The following THEMIS variants were observed in gnomAD, a reference collection of about 807,000 sequenced individuals.
THEMIS encodes the protein thymocyte selection associated, also known as protein THEMIS.
A neutral mutation model predicts 52.6 loss-of-function variants in THEMIS; 37 were observed. The observed-to-expected ratio is 0.70, with a 90% CI of 0.54 to 0.93. The LOEUF (loss-of-function observed/expected upper bound fraction) is 0.93, where lower values mean the gene tolerates loss of function less well. Ranked by LOEUF, THEMIS falls within the 40% of genes least tolerant of loss-of-function variation. The pLI is 0.00. For synonymous variants in THEMIS, 292 were observed against 272.7 expected (o/e 1.07, Z -0.70); for missense variants, 808 against 763.1 (o/e 1.06, Z -0.69).
intron 1 of THEMIS, among the ~76,000 whole-genome samples, chr6:127,890,329 T>C (rs1419188262): frequency 6.6e-6 from 1 of 152,164 alleles, no homozygotes; most frequent in East Asian, 1.9e-4. Flanking sequence ...CTGCTAAAAA[T>C]AGATTGATAG....
intron 1 of THEMIS, among the ~76,000 whole-genome samples, chr6:127,907,988 A>T (rs184654055): frequency 1.8e-4 from 28 of 152,210 alleles, no homozygotes; most frequent in African/African-American, 6.3e-4. Flanking sequence ...ATAAAATCCT[A>T]CTATACACAA....
intron 4 of THEMIS, among the ~76,000 whole-genome samples, chr6:127,794,907 G>T (rs555180657): frequency 2.1e-4 from 32 of 152,204 alleles, no homozygotes; most frequent in African/African-American, 7.7e-4. Flanking sequence ...GACCATTTAC[G>T]GAGGTGTTTT....
At chr6:127,773,384 A>G (rs1252239530) in intron 4 of THEMIS, among the ~76,000 whole-genome samples, 1 of 152,172 alleles carries the variant, frequency 6.6e-6, no homozygotes, top group Non-Finnish European at 1.5e-5. Context: ...ATTTTTAGAG[A>G]GTATTTGAAC....
At chr6:127,729,022 C>T (rs1238789914) in intron 4 of THEMIS, among the ~76,000 whole-genome samples, 3 of 152,090 alleles carry the variant, frequency 2.0e-5, no homozygotes, top group African/African-American at 4.8e-5. Context: ...TTGGCTTCTT[C>T]CTTGCCTCAC....
At chr6:127,745,887 A>G (rs1016802998) in intron 4 of THEMIS, among the ~76,000 whole-genome samples, 1 of 151,854 alleles carries the variant, frequency 6.6e-6, no homozygotes, top group African/African-American at 2.4e-5. Context: ...TCTTGCTTTG[A>G]AGAATTTAAC....
chr6:127,769,342 G>GTTTTTTTTTTTTTTTTTTTTTTTTTT (rs201005568), intron 4 of THEMIS, among the ~76,000 whole-genome samples: 1 of 142,786 alleles, frequency 7.0e-6, no homozygotes, highest in African/African-American at 2.6e-5. Flanking sequence ...AAATAGACCA[G>GTTTTTTTTTTTTTTTTTTTTTTTTTT]TTTTTTTTTG....
At chr6:127,864,094 T>C (rs1460767930) in intron 1 of THEMIS, among the ~76,000 whole-genome samples, 17 of 152,128 alleles carry the variant, frequency 1.1e-4, no homozygotes, top group Non-Finnish European at 1.0e-4. Flanking sequence ...CTTGACAAGA[T>C]AGGCTTTATT....
intron 4 of THEMIS, among the ~76,000 whole-genome samples, chr6:127,806,348 C>T (rs1314034384): frequency 6.6e-6 from 1 of 151,842 alleles, no homozygotes; most frequent in Non-Finnish European, 1.5e-5. Flanking sequence ...TCAGTAACAC[C>T]GAAAATATGA....
intron 4 of THEMIS, 55 bp downstream of exon 4, chr6:127,812,828 C>T: frequency 6.7e-7 from 1 of 1,496,436 alleles, no homozygotes; most frequent in East Asian, 2.3e-5. Flanking sequence ...AGACTTGAAA[C>T]AAATTGCCTG....
chr6:127,817,043 C>T (rs2114619653), intron 3 of THEMIS, among the ~76,000 whole-genome samples: 1 of 152,310 alleles, frequency 6.6e-6, no homozygotes, highest in South Asian at 2.1e-4. Flanking sequence ...TTGCCCTTTT[C>T]TATTTCTCTA....
At position 127,812,930 on chromosome 6, in the gene THEMIS, G is replaced by A; in HGVS notation, c.1711C>T (p.Leu571=). 1 of 1,613,756 alleles carries A rather than the reference G, an allele frequency of 6.2e-7. No homozygotes were observed. Among genetic ancestry groups the A allele is most frequent in the African/African-American group, 1.3e-5 (1 of 75,030 alleles). Residue 571 remains leucine (L), a synonymous_variant, in exon 4 of 6, where the codon CTA becomes TTA. Coordinates refer to ENST00000368248, the MANE Select transcript of THEMIS (RefSeq NM_001010923.3). ...PSVEETKLTL[L]TLAEERTVDL... is the part of the protein sequence containing the mutation. Reference sequence around the variant, plus strand: ...ACCGTCCTTTCTTCTGCTAAGGTTAGCAGGGTTAACTTTGTTTCCTCTACT... The same window carrying A: ...ACCGTCCTTTCTTCTGCTAAGGTTAACAGGGTTAACTTTGTTTCCTCTACT...
At chr6:127,730,994 CAT>C (rs1468636445) in intron 4 of THEMIS, among the ~76,000 whole-genome samples, 1 of 152,142 alleles carries the variant, frequency 6.6e-6, no homozygotes, top group Non-Finnish European at 1.5e-5. Context: ...AAAACAATGC[CAT>C]AGTCATTCCC....
chr6:127,767,918 T>C (rs1375016652), intron 4 of THEMIS, among the ~76,000 whole-genome samples: 2 of 152,172 alleles, frequency 1.3e-5, no homozygotes, highest in African/African-American at 2.4e-5. Flanking sequence ...AGCTTCATTA[T>C]AATCTTATGA....
intron 2 of THEMIS, among the ~76,000 whole-genome samples, chr6:127,831,301 A>G (rs987100245): frequency 1.3e-5 from 2 of 152,082 alleles, no homozygotes; most frequent in Non-Finnish European, 2.9e-5. Context: ...ATTTTATGGG[A>G]GCAACTGCTT....
At chr6:127,761,470 T>C (rs1004583214) in intron 4 of THEMIS, among the ~76,000 whole-genome samples, 5 of 152,162 alleles carry the variant, frequency 3.3e-5, no homozygotes, top group African/African-American at 1.2e-4. Context: ...GACTTGAACT[T>C]CAACTCACAG....
In THEMIS at chr6:127,780,592, T is replaced by A. The variant is rs555756908; in HGVS notation, c.1758+32291A>T. On this transcript the variant is annotated intron_variant, in intron 4 of 5. Coordinates refer to ENST00000368248, the MANE Select transcript of THEMIS (RefSeq NM_001010923.3). The stretch of plus-strand genomic sequence containing the variant: ...AGGAATTCTTGTAAGGCAGGCCTGG[T>A]GGTGACAAAATCTCTCAGCATTTGC... 2.6e-5 allele frequency among the ~76,000 whole-genome samples: 4 copies of A among 152,326 alleles called. No individual in the cohort carries two copies. The South Asian group carries it at 8.3e-4, about 32-fold the overall frequency.
chr6:127,763,616 T>G (rs1384997740), intron 4 of THEMIS, among the ~76,000 whole-genome samples: 1 of 152,012 alleles, frequency 6.6e-6, no homozygotes, highest in Non-Finnish European at 1.5e-5. Flanking sequence ...TGAAAATATG[T>G]AACTAGAGAT....
intron 1 of THEMIS, among the ~76,000 whole-genome samples, chr6:127,873,850 G>A (rs1374700815): frequency 6.6e-6 from 1 of 152,070 alleles, no homozygotes; most frequent in Non-Finnish European, 1.5e-5. Context: ...AAAATCATAA[G>A]GAATAGAAAA....
rs191461133 is a variant in THEMIS at position 127,834,539 on chromosome 6, A to G, written c.251-4605T>C. On this transcript the variant is annotated intron_variant, in intron 2 of 5. Transcript: ENST00000368248. ...ATGAAGGTTGTAGTGAGCAAAGAAC[A>G]TGTCACTGCACTCCAGCCTGGGCAA... Among the ~76,000 whole-genome samples the G allele has an allele frequency of 5.0e-4, 76 of 152,134 alleles. 1 individual carries two copies. The highest frequency in any genetic ancestry group is 1.7e-3 in the African/African-American group (72 of 41,522).
Sources: allele counts gnomAD v4.1 joint callset (sites outside exome capture counted in the v4.1 genomes callset), GRCh38; gene constraint gnomAD v4.1.1; transcripts MANE v1.5; gene names NCBI Gene and HGNC (gene_info 2026-07-23, HGNC 2026-07-21).